TRAF3IP1: variants seen among roughly 807,000 people sequenced by gnomAD.
TRAF3IP1 encodes the protein intraflagellar transport 54, also known as TRAF3-interacting protein 1.
A neutral mutation model predicts 89.9 loss-of-function variants in TRAF3IP1; 53 were observed. That is an observed-to-expected ratio of 0.59 (90% confidence interval 0.47 to 0.74). The LOEUF is 0.74. TRAF3IP1 is among the 30% of genes least tolerant of loss of function. The pLI is 0.00. For synonymous variants in TRAF3IP1, 311 were observed against 322.1 expected (o/e 0.97, Z 0.37); for missense variants, 806 against 866.1 (o/e 0.93, Z 0.87).
chr2:238,343,683 T>C (rs572353849), intron 8 of TRAF3IP1, among the ~76,000 whole-genome samples: 31 of 147,020 alleles, frequency 2.1e-4, no homozygotes, highest in African/African-American at 7.8e-4. Context: ...GATAGGGTCT[T>C]ACTCTTTGCC....
At chr2:238,369,510 TGA>T (rs757814774) in intron 15 of TRAF3IP1, among the ~76,000 whole-genome samples, 1 of 152,222 alleles carries the variant, frequency 6.6e-6, no homozygotes, top group Non-Finnish European at 1.5e-5. Flanking sequence ...TTGACAGTTT[TGA>T]ACAGTACAGC....
intron 15 of TRAF3IP1, among the ~76,000 whole-genome samples, chr2:238,394,138 A>G (rs112750593): frequency 0.065 from 9,948 of 152,216 alleles, 399 homozygotes; most frequent in Non-Finnish European, 0.081. Context: ...AGAGGTTGCA[A>G]TGAGCCAAGA....
chr2:238,366,210 T>C (rs1162371022), intron 15 of TRAF3IP1, among the ~76,000 whole-genome samples: 4 of 152,160 alleles, frequency 2.6e-5, no homozygotes. Flanking sequence ...CACTCCAGCC[T>C]GGGCGACAAA....
rs557198599 is a variant in TRAF3IP1 at position 238,339,832 on chromosome 2, A to G, written c.1159+1375A>G. 4.8e-4 allele frequency among the ~76,000 whole-genome samples: 73 copies of G among 152,390 alleles called. 1 individual carries two copies. The highest frequency in any genetic ancestry group is 3.3e-3 in the Admixed American group (51 of 15,312). On this transcript the variant is annotated intron_variant, in intron 8 of 16. Coordinates refer to ENST00000373327, the MANE Select transcript of TRAF3IP1 (RefSeq NM_015650.4). ...GACAGCGCTCATCCTGAGATGGGCAATGGATTTAGAACAAATTGAAATCAT... is the reference window on the plus strand; with the variant it reads ...GACAGCGCTCATCCTGAGATGGGCAGTGGATTTAGAACAAATTGAAATCAT...
chr2:238,348,002 A>G (rs756352355), intron 10 of TRAF3IP1, among the ~76,000 whole-genome samples: 8 of 152,226 alleles, frequency 5.3e-5, no homozygotes, highest in Non-Finnish European at 8.8e-5. Context: ...ATTTTTTTCC[A>G]GAATATAAAG....
At position 238,339,745 on chromosome 2, in the gene TRAF3IP1, G is replaced by T. The variant is rs1362072424; in HGVS notation, c.1159+1288G>T. On this transcript the variant is annotated intron_variant, in intron 8 of 16. Coordinates refer to ENST00000373327, the MANE Select transcript of TRAF3IP1 (RefSeq NM_015650.4). Reference sequence around the variant, plus strand: ...AGTGGTGGCTTGCCCCAGGCACGCCGCGGTCTAACCCGCTTTATCACGGAT... The same window carrying T: ...AGTGGTGGCTTGCCCCAGGCACGCCTCGGTCTAACCCGCTTTATCACGGAT... Among the ~76,000 whole-genome samples, 3 of 152,256 alleles carry T rather than the reference G, an allele frequency of 2.0e-5. 1 individual carries two copies. In the South Asian group the frequency reaches 6.2e-4, roughly 31 times the overall value.
chr2:238,329,479 A>T (rs1698016263), intron 5 of TRAF3IP1, 137 bp downstream of exon 5: 1 of 806,316 alleles, frequency 1.2e-6, no homozygotes, highest in African/African-American at 1.8e-5. Context: ...ACAATCTTGG[A>T]TTCTCAATAG....
At chr2:238,339,988 G>A (rs1444025339) in intron 8 of TRAF3IP1, among the ~76,000 whole-genome samples, 2 of 149,780 alleles carry the variant, frequency 1.3e-5, no homozygotes, top group African/African-American at 2.4e-5. Context: ...TTGGGATGGA[G>A]CCTGATGCCA....
chr2:238,370,463 ATG>A lies in TRAF3IP1; in HGVS notation c.1689+14392_1689+14393del, dbSNP rs1491139059. ...TGCATGTCTGTGTATGTGTGTGTACATGTGTGTGTGCAAATGTCTGTGCCCTC... is the reference window on the plus strand; with the variant it reads ...TGCATGTCTGTGTATGTGTGTGTACATGTGTGTGCAAATGTCTGTGCCCTC... On this transcript the variant is annotated intron_variant, in intron 15 of 16. Transcript: ENST00000373327. Among the ~76,000 whole-genome samples the A allele has an allele frequency of 1.1e-4, 16 of 152,176 alleles. No homozygotes were observed. The South Asian group carries it at 3.3e-3, about 32-fold the overall frequency.
chr2:238,325,504 A>G, intron 2 of TRAF3IP1, 130 bp downstream of exon 2: 1 of 889,196 alleles, frequency 1.1e-6, no homozygotes, highest in Non-Finnish European at 1.8e-6. Context: ...TGAATTCGTA[A>G]ATTGATATAT....
chr2:238,355,909 A>G (rs1027470431), intron 14 of TRAF3IP1, 95 bp from the exon 15 acceptor site: 7 of 856,514 alleles, frequency 8.2e-6, no homozygotes, highest in African/African-American at 3.4e-5. Flanking sequence ...AGATAGGATA[A>G]AAACTTAGTG....
At chr2:238,358,228 A>G (rs1559376011) in intron 15 of TRAF3IP1, among the ~76,000 whole-genome samples, 1 of 148,718 alleles carries the variant, frequency 6.7e-6, no homozygotes, top group East Asian at 2.0e-4. Flanking sequence ...CTCCTGCTAC[A>G]TTTTTTTTTT....
At chr2:238,360,143 ACTCAGAATGG>A (rs1348624592) in intron 15 of TRAF3IP1, among the ~76,000 whole-genome samples, 3 of 152,320 alleles carry the variant, frequency 2.0e-5, no homozygotes, top group South Asian at 2.1e-4. Context: ...TGATCACCCT[ACTCAGAATGG>A]CATGCAATTG....
At chr2:238,368,693 G>A (rs925443222) in intron 15 of TRAF3IP1, among the ~76,000 whole-genome samples, 9 of 151,762 alleles carry the variant, frequency 5.9e-5, no homozygotes, top group African/African-American at 1.7e-4. Context: ...TTTTTGAGAC[G>A]GAGTTTCACT....
intron 5 of TRAF3IP1, among the ~76,000 whole-genome samples, 190 bp downstream of exon 5, chr2:238,329,532 T>G (rs529598457): frequency 6.6e-6 from 1 of 152,248 alleles, no homozygotes; most frequent in African/African-American, 2.4e-5. Flanking sequence ...GTGTTTTGGG[T>G]TTTTTTGTTC....
intron 15 of TRAF3IP1, among the ~76,000 whole-genome samples, chr2:238,373,453 T>C (rs1700190250): frequency 6.6e-6 from 1 of 152,142 alleles, no homozygotes. Context: ...AGATGTGTGG[T>C]GTTATTTCTG....
chr2:238,336,081 T>A (rs1395368127), intron 7 of TRAF3IP1, among the ~76,000 whole-genome samples: 1 of 152,130 alleles, frequency 6.6e-6, no homozygotes, highest in African/African-American at 2.4e-5. Flanking sequence ...TGTAAGCCAC[T>A]GTGCCTGGCC....
chr2:238,331,858 G>C (rs1271729993), intron 5 of TRAF3IP1, among the ~76,000 whole-genome samples: 1 of 152,204 alleles, frequency 6.6e-6, no homozygotes, highest in Non-Finnish European at 1.5e-5. Context: ...TCTAACCCCG[G>C]TTCTGCCTCA....
chr2:238,344,780 T>C (rs1282170140), intron 9 of TRAF3IP1, 182 bp downstream of exon 9: 2 of 694,138 alleles, frequency 2.9e-6, no homozygotes, highest in Non-Finnish European at 5.2e-6. Context: ...GGTGGTTTCT[T>C]GATAGCATGG....
Sources: allele counts gnomAD v4.1 joint callset (sites outside exome capture counted in the v4.1 genomes callset), GRCh38; gene constraint gnomAD v4.1.1; transcripts MANE v1.5; gene names NCBI Gene and HGNC (gene_info 2026-07-23, HGNC 2026-07-21).